Variants in WDFY4 observed in about 807,000 individuals in gnomAD.
WDFY4 encodes the protein WD repeat- and FYVE domain-containing protein 4.
WDFY4 carries 169 observed loss-of-function variants against 351.9 expected under a neutral mutation model. The observed-to-expected ratio is 0.48, with a 90% confidence interval of 0.42 to 0.55. The LOEUF is 0.55. Among genes scored for constraint, WDFY4 ranks in the 20% least tolerant of loss-of-function variants. The pLI is 0.00. For synonymous variants in WDFY4, 1,622 were observed against 1,574.6 expected (o/e 1.03, Z -0.71); for missense variants, 3,803 against 3,935.6 (o/e 0.97, Z 0.90).
chr10:48,745,270 G>T (rs1249500583), intron 12 of WDFY4, among the ~76,000 whole-genome samples: 1 of 152,154 alleles, frequency 6.6e-6, no homozygotes, highest in Admixed American at 6.5e-5. Context: ...ACTCTATCAA[G>T]GTGAGAGAAG....
At chr10:48,722,141 G>C (rs1461057740) in intron 4 of WDFY4, among the ~76,000 whole-genome samples, 2 of 152,202 alleles carry the variant, frequency 1.3e-5, no homozygotes, top group African/African-American at 2.4e-5. Context: ...AGGGTGATAG[G>C]AGCACATCAC....
At position 48,964,030 on chromosome 10, in the gene WDFY4, C is replaced by A; in HGVS notation, c.8412C>A (p.Ser2804Arg). The A allele has an allele frequency of 6.5e-7, 1 of 1,550,012 alleles. No homozygotes were observed. The highest frequency in any genetic ancestry group is 8.7e-7 in the Non-Finnish European group (1 of 1,146,948). The change falls in exon 54 of 62, where the codon AGC becomes AGA. Residue 2804 changes from serine to arginine, a missense_variant. This residue lies in a region of WDFY4 where 3,054 missense variants were observed against 3,148.6 expected (regional missense o/e 0.97). Coordinates refer to ENST00000325239, the MANE Select transcript of WDFY4 (RefSeq NM_001394531.1). ...AAAGCACCATCCTGGGGTTTGTCAG[C>A]AACTTTGGACAGGTGCCCAAACAGG... ...LIKSTILGFVSNFGQVPKQLF... is the reference protein window; with the variant it reads ...LIKSTILGFVRNFGQVPKQLF...
chr10:48,825,229 T>C (rs2067954911), intron 35 of WDFY4, among the ~76,000 whole-genome samples: 1 of 152,182 alleles, frequency 6.6e-6, no homozygotes, highest in Non-Finnish European at 1.5e-5. Context: ...TTTGTTCTTG[T>C]GTTAGTTTGC....
chr10:48,976,670 G>A lies in WDFY4; in HGVS notation c.9109-127G>A, dbSNP rs920682895. On this transcript the variant is annotated intron_variant, in intron 58 of 61. Coordinates refer to ENST00000325239, the MANE Select transcript of WDFY4 (RefSeq NM_001394531.1). ...AAGTCAGCTGGAAAGAAGTTTTGGG[G>A]TACCTTGGGGGTCTTCAGAGCATGA... 5 of 860,252 alleles carry A rather than the reference G, an allele frequency of 5.8e-6. No individual in the cohort carries two copies. The Admixed American group carries it at 1.7e-4, about 29-fold the overall frequency. 53.3% of individuals were successfully genotyped at this position (860,252 alleles called of 1,614,324 possible).
intron 19 of WDFY4, 140 bp downstream of exon 19, chr10:48,780,259 TCTGCCTTA>T (rs1233588468): frequency 3.5e-6 from 4 of 1,128,298 alleles, no homozygotes; most frequent in Non-Finnish European, 4.9e-6. Flanking sequence ...TCTAATGAAA[TCTGCCTTA>T]CTGTTCAGGA....
At chr10:48,937,078 G>C (rs1380176833) in intron 47 of WDFY4, among the ~76,000 whole-genome samples, 2 of 151,878 alleles carry the variant, frequency 1.3e-5, no homozygotes, top group African/African-American at 2.4e-5. Flanking sequence ...ATTTTTAGTA[G>C]AGACGAGGTT....
intron 21 of WDFY4, 92 bp downstream of exon 21, chr10:48,788,767 T>G: frequency 6.8e-7 from 1 of 1,478,664 alleles, no homozygotes; most frequent in African/African-American, 1.4e-5. Context: ...CTATTTCATG[T>G]TTGCACTTGT....
chr10:48,841,377 G>A (rs959969745), intron 39 of WDFY4, among the ~76,000 whole-genome samples: 4 of 148,820 alleles, frequency 2.7e-5, no homozygotes, highest in African/African-American at 9.8e-5. Context: ...TGTCCTTCAT[G>A]TTTAAACATA....
chr10:48,919,788 A>G (rs1479411824), intron 47 of WDFY4, among the ~76,000 whole-genome samples: 1 of 152,232 alleles, frequency 6.6e-6, no homozygotes, highest in Non-Finnish European at 1.5e-5. Flanking sequence ...TGGAGATCAG[A>G]GTTTCAATAC....
chr10:48,781,261 T>C (rs974948968), intron 19 of WDFY4, among the ~76,000 whole-genome samples: 43 of 151,664 alleles, frequency 2.8e-4, no homozygotes, highest in African/African-American at 1.0e-3. Context: ...TATATGTGTG[T>C]GTGTGTATAT....
Position 48,855,584 on chromosome 10 carries a change from T to C in WDFY4, c.6664-11681T>C, listed in dbSNP as rs192308625. ...AAGGACTCCAAAGAGCTTTGGCTTA[T>C]GTATATTTTATCTATTCATAGTTAC... is the stretch of plus-strand genomic sequence containing the variant. On this transcript the variant is annotated intron_variant, in intron 39 of 61. Transcript: ENST00000325239. 4.7e-4 allele frequency among the ~76,000 whole-genome samples: 72 copies of C among 152,246 alleles called. No individual in the cohort carries two copies. The East Asian group carries it at 7.3e-3, about 15-fold the overall frequency.
At chr10:48,787,653 T>A (rs1300969985) in intron 20 of WDFY4, among the ~76,000 whole-genome samples, 1 of 152,102 alleles carries the variant, frequency 6.6e-6, no homozygotes, top group African/African-American at 2.4e-5. Context: ...CACTTAAGAG[T>A]TTGGTTTTAG....
chr10:48,926,276 G>A (rs767678026), intron 47 of WDFY4, among the ~76,000 whole-genome samples: 103 of 152,360 alleles, frequency 6.8e-4, no homozygotes, highest in Non-Finnish European at 3.8e-4. Flanking sequence ...CAGGAAGGGT[G>A]TTCCTGTTTT....
intron 39 of WDFY4, among the ~76,000 whole-genome samples, chr10:48,854,347 G>A (rs563591336): frequency 2.6e-5 from 4 of 152,094 alleles, no homozygotes; most frequent in African/African-American, 4.8e-5. Flanking sequence ...GAGCTCCAGC[G>A]ATCCGCCCAC....
intron 47 of WDFY4, among the ~76,000 whole-genome samples, chr10:48,930,207 GC>G (rs1342306344): frequency 6.6e-6 from 1 of 152,190 alleles, no homozygotes; most frequent in Non-Finnish European, 1.5e-5. Context: ...AGATTTCATA[GC>G]TGAGAGTCAG....
rs767486000 is a variant in WDFY4 at position 48,966,567 on chromosome 10, G to A, written c.8478G>A (p.Lys2826=). ...ACCCAGCCAGGACTGCAGCAGGGAA[G>A]CCTCTGCCTGGAAAGGATGTCTCCA... ...KPHPARTAAG[K]PLPGKDVSTP... Residue 2826 remains lysine, a synonymous_variant, in exon 55 of 62, where the codon AAG becomes AAA. Transcript: ENST00000325239. 2.6e-6 allele frequency: 4 copies of A among 1,552,180 alleles called. No individual in the cohort carries two copies. In the South Asian group the frequency reaches 4.8e-5, roughly 18 times the overall value.
chr10:48,716,841 C>G (rs935878281), intron 2 of WDFY4, among the ~76,000 whole-genome samples: 1 of 152,144 alleles, frequency 6.6e-6, no homozygotes, highest in South Asian at 2.1e-4. Flanking sequence ...AGAAATACAT[C>G]GTAGCAGCGT....
intron 39 of WDFY4, among the ~76,000 whole-genome samples, chr10:48,838,207 G>A (rs535250653): frequency 2.0e-5 from 3 of 152,320 alleles, no homozygotes; most frequent in African/African-American, 7.2e-5. Flanking sequence ...CCCTGGCAAG[G>A]ACAGGGAAAC....
chr10:48,809,047 A>T (rs760323223), intron 28 of WDFY4, among the ~76,000 whole-genome samples: 47 of 152,382 alleles, frequency 3.1e-4, no homozygotes, highest in Non-Finnish European at 5.4e-4. Flanking sequence ...AGATGAAATG[A>T]ATTAATATAT....
Sources: allele counts gnomAD v4.1 joint callset (sites outside exome capture counted in the v4.1 genomes callset), GRCh38; gene constraint gnomAD v4.1.1; regional missense constraint gnomAD v4.1.1; transcripts MANE v1.5; gene names NCBI Gene and HGNC (gene_info 2026-07-23, HGNC 2026-07-21).